DGKH: variants seen among roughly 807,000 people sequenced by gnomAD.
The protein encoded by DGKH is DAG kinase eta.
DGKH carries 90 observed loss-of-function variants against 159.3 expected under a neutral mutation model. That is an observed-to-expected ratio of 0.57 (90% CI 0.48 to 0.67). The LOEUF (loss-of-function observed/expected upper bound fraction) is 0.67, where lower values mean the gene tolerates loss of function less well. DGKH is among the 30% of genes least tolerant of loss of function. DGKH has a pLI of 0.00. For missense variants in DGKH, 1,181 were observed against 1,506.1 expected (o/e 0.78, Z 3.57); for synonymous variants, 536 against 553.8 (o/e 0.97, Z 0.45).
intron 3 of DGKH, among the ~76,000 whole-genome samples, chr13:42,150,934 G>GGAA (rs1180970549): frequency 6.6e-6 from 1 of 151,874 alleles, no homozygotes; most frequent in African/African-American, 2.4e-5. Context: ...GCAATAAGAG[G>GGAA]GAAGCAAGAG....
At chr13:42,093,920 G>C (rs1954472285) in intron 1 of DGKH, among the ~76,000 whole-genome samples, 1 of 152,054 alleles carries the variant, frequency 6.6e-6, no homozygotes, top group Non-Finnish European at 1.5e-5. Context: ...AAGAATTCTG[G>C]AGATTGGTTG....
intron 5 of DGKH, 22 bp from the exon 6 acceptor site, chr13:42,159,244 C>CTTTTTGTTTT: frequency 4.7e-6 from 1 of 213,284 alleles, no homozygotes; most frequent in South Asian, 4.3e-5. Flanking sequence ...AGCAGTTGCT[C>CTTTTTGTTTT]TTTTTTTTTT....
In DGKH at chr13:42,129,547, AAC is replaced by A; in HGVS notation, c.304-3_304-2del. On this transcript the variant is annotated splice_polypyrimidine_tract_variant and splice_region_variant and intron_variant, in intron 2 of 29. Transcript: ENST00000337343. ...ATGTCTTTGTATGTTTTTTTTCATT[AAC>A]AGTCTCTGATATTTGATGAAGTTGA... is the stretch of plus-strand genomic sequence containing the variant. The A allele has an allele frequency of 6.2e-7, 1 of 1,608,440 alleles. No individual in the cohort carries two copies. Among genetic ancestry groups the A allele is most frequent in the Non-Finnish European group, 8.5e-7 (1 of 1,176,914 alleles).
At chr13:42,090,226 G>C (rs1330263189) in intron 1 of DGKH, among the ~76,000 whole-genome samples, 1 of 152,082 alleles carries the variant, frequency 6.6e-6, no homozygotes, top group Admixed American at 6.6e-5. Flanking sequence ...TTAAAAAACT[G>C]TATGCAAAAT....
chr13:42,233,854 TTTCTC>T lies in DGKH; in HGVS notation c.*4669_*4673del, dbSNP rs1958357554. 6.6e-6 allele frequency: 1 copy of T among 152,260 alleles called. No homozygotes were observed. Among genetic ancestry groups the T allele is most frequent in the South Asian group, 2.1e-4 (1 of 4,832 alleles). 9.4% of individuals were successfully genotyped at this position (152,260 alleles called of 1,614,324 possible). Reference sequence around the variant, plus strand: ...TCTCCTACAACTTGTACATTTTCATTTTCTCTTATCAGTAGATTGTCCTTGTTGAC... The same window carrying T: ...TCTCCTACAACTTGTACATTTTCATTTTATCAGTAGATTGTCCTTGTTGAC... On this transcript the variant is annotated 3_prime_UTR_variant, in exon 30 of 30. Coordinates refer to ENST00000337343, the MANE Select transcript of DGKH (RefSeq NM_178009.5).
At chr13:42,225,130 C>T (rs1958089482) in intron 29 of DGKH, among the ~76,000 whole-genome samples, 1 of 152,108 alleles carries the variant, frequency 6.6e-6, no homozygotes, top group African/African-American at 2.4e-5. Flanking sequence ...GCTGTGTTGT[C>T]CAGGCTGGTC....
chr13:42,227,071 A>G (rs944238977), intron 29 of DGKH, among the ~76,000 whole-genome samples: 7 of 152,148 alleles, frequency 4.6e-5, no homozygotes, highest in Admixed American at 1.3e-4. Flanking sequence ...ACACATAGAC[A>G]CAGGGAGGGG....
rs1319279781 is a variant in DGKH, at chr13:42,238,691, C to T, written c.*9503C>T. ...TTCATGCAAAGTACTTTCAAAACTTCCCATAAAGAAACTAAACTAGAGATT... is the reference window on the plus strand; with the variant it reads ...TTCATGCAAAGTACTTTCAAAACTTTCCATAAAGAAACTAAACTAGAGATT... On this transcript the variant is annotated 3_prime_UTR_variant, in exon 30 of 30. Coordinates refer to ENST00000337343, the MANE Select transcript of DGKH (RefSeq NM_178009.5). 3 of 152,030 alleles carry T rather than the reference C, an allele frequency of 2.0e-5. No individual in the cohort carries two copies. The highest frequency in any genetic ancestry group is 7.2e-5 in the African/African-American group (3 of 41,400). The allele number at this position is 152,030 out of a possible 1,614,324, so 9.4% of individuals were successfully genotyped here. A position where few individuals can be genotyped will look rare whatever the true frequency, so the allele number is the denominator to read the frequency against.
intron 1 of DGKH, among the ~76,000 whole-genome samples, chr13:42,090,686 T>C (rs1458962731): frequency 3.9e-5 from 6 of 152,178 alleles, no homozygotes; most frequent in Non-Finnish European, 8.8e-5. Context: ...GAACTAGATA[T>C]CTGTATTGCA....
intron 19 of DGKH, 52 bp from the exon 20 acceptor site, chr13:42,199,761 A>G (rs1004084847): frequency 3.2e-6 from 5 of 1,575,080 alleles, no homozygotes; most frequent in Non-Finnish European, 4.3e-6. Context: ...TCTGCCTTTA[A>G]GGAGTAAATA....
At chr13:42,049,515 C>A (rs1267553780) in intron 1 of DGKH, among the ~76,000 whole-genome samples, 1 of 152,238 alleles carries the variant, frequency 6.6e-6, no homozygotes, top group African/African-American at 2.4e-5. Context: ...TGACACCGGT[C>A]AGCCTTTCCT....
chr13:42,133,453 G>A (rs780821360), intron 3 of DGKH, among the ~76,000 whole-genome samples: 2 of 152,036 alleles, frequency 1.3e-5, no homozygotes, highest in African/African-American at 2.4e-5. Context: ...CAGCATTTTG[G>A]GAGGCTGGTG....
intron 3 of DGKH, among the ~76,000 whole-genome samples, chr13:42,135,811 G>A (rs955628482): frequency 6.6e-6 from 1 of 152,114 alleles, no homozygotes; most frequent in Non-Finnish European, 1.5e-5. Context: ...TTTAATCTAA[G>A]GCTCTTTCCA....
downstream of DGKH, among the ~76,000 whole-genome samples, chr13:42,245,988 G>T (rs9566946): frequency 0.18 from 27,868 of 152,126 alleles, 3,442 homozygotes; most frequent in East Asian, 0.48. Flanking sequence ...TTAAAAAGTA[G>T]CAGTGTGTTT....
downstream of DGKH, among the ~76,000 whole-genome samples, chr13:42,244,562 G>C (rs1278904357): frequency 6.6e-6 from 1 of 152,214 alleles, no homozygotes; most frequent in Non-Finnish European, 1.5e-5. Flanking sequence ...CTAGCACTGA[G>C]TAACAATAAT....
intron 29 of DGKH, among the ~76,000 whole-genome samples, chr13:42,224,418 C>A (rs1246315760): frequency 1.3e-5 from 2 of 152,206 alleles, no homozygotes; most frequent in Non-Finnish European, 2.9e-5. Context: ...TATATCCTGT[C>A]CACAATCCTG....
At position 42,221,330 on chromosome 13, in the gene DGKH, A is replaced by T. The variant is rs1313536078; in HGVS notation, c.3509A>T (p.Asp1170Val). Reference sequence around the variant, plus strand: ...CTGCTCAATTTGGGAGAGTACAAAGATATCTTCATCCGTCATGACATCAGA... The same window carrying T: ...CTGCTCAATTTGGGAGAGTACAAAGTTATCTTCATCCGTCATGACATCAGA... ...LDLLNLGEYK[D>V]IFIRHDIRGA... Residue 1170 changes from aspartate (D) to valine (V), a missense_variant, in exon 29 of 30, where the codon GAT becomes GTT. Physicochemically the swap from Asp to Val is radical, Grantham distance 152. This residue lies in a region of DGKH where 84 missense variants were observed against 77.9 expected (regional missense o/e 1.08). Coordinates refer to ENST00000337343, the MANE Select transcript of DGKH (RefSeq NM_178009.5). 6.2e-7 allele frequency: 1 copy of T among 1,613,828 alleles called. No homozygotes were observed. The highest frequency in any genetic ancestry group is 1.7e-5 in the Admixed American group (1 of 60,014).
chr13:42,043,403 G>C (rs1232234338), intron 1 of DGKH, among the ~76,000 whole-genome samples: 3 of 152,008 alleles, frequency 2.0e-5, no homozygotes, highest in African/African-American at 7.3e-5. Context: ...GCCCAGGCTG[G>C]AGTGCAGTGG....
chr13:42,048,124 G>C (rs536739771), upstream of DGKH, among the ~76,000 whole-genome samples: 2 of 151,582 alleles, frequency 1.3e-5, no homozygotes, highest in East Asian at 3.9e-4. The surrounding 1 kb of genome is among the most constrained non-coding windows in gnomAD (Gnocchi z 6.7). Context: ...GAGTGGGGCT[G>C]GGGGTGGGGA....
Sources: gnomAD v4.1 joint callset for allele counts (sites outside exome capture counted in the v4.1 genomes callset) on GRCh38, gnomAD v4.1.1 for gene constraint, gnomAD v4.1.1 regional missense constraint, Gnocchi (gnomAD v3.1) non-coding constraint, MANE v1.5 for transcripts, NCBI Gene and HGNC (gene_info 2026-07-23, HGNC 2026-07-21) for gene names.